Variants in COL23A1 observed in about 807,000 individuals in gnomAD.
COL23A1 encodes collagen type XXIII alpha 1 chain, also known as collagen alpha-1(XXIII) chain.
In COL23A1, 97 loss-of-function variants were observed where a neutral mutation model predicts 99.3. The observed-to-expected ratio is 0.98, with a 90% CI of 0.83 to 1.16. The LOEUF (loss-of-function observed/expected upper bound fraction) is 1.16, where lower values mean the gene tolerates loss of function less well. Ranked by LOEUF, COL23A1 falls within the 50% of genes most tolerant of loss-of-function variation. The probability of loss-of-function intolerance (pLI) is 0.00; values close to 1 mark genes in which losing one functional copy is unlikely to be tolerated. For missense variants in COL23A1, 762 were observed against 757.4 expected (o/e 1.01, Z -0.07); for synonymous variants, 320 against 308.2 (o/e 1.04, Z -0.40).
chr5:178,400,592 A>C lies in COL23A1; in HGVS notation c.362-93673T>G, dbSNP rs575471121. On this transcript the variant is annotated intron_variant, in intron 2 of 28. Transcript: ENST00000390654. The stretch of plus-strand genomic sequence containing the variant: ...TTAACCATTTTTAAGTGTACAATTC[A>C]ATGACATTAAGTACATTCACAACGG... Among the ~76,000 whole-genome samples, 4 of 152,198 alleles carry C rather than the reference A, an allele frequency of 2.6e-5. No individual in the cohort carries two copies. The South Asian group carries it at 8.3e-4, about 32-fold the overall frequency.
chr5:178,349,598 C>T (rs1355725564), intron 2 of COL23A1, among the ~76,000 whole-genome samples: 6 of 146,166 alleles, frequency 4.1e-5, no homozygotes, highest in Admixed American at 2.0e-4. Flanking sequence ...CACCTTTCCA[C>T]GGCACTATCA....
At chr5:178,258,262 T>TATATATATATATATACACACAC in intron 12 of COL23A1, among the ~76,000 whole-genome samples, 1 of 104,066 alleles carries the variant, frequency 9.6e-6, no homozygotes, top group African/African-American at 3.0e-5. Context: ...TATATATATA[T>TATATATATATATATACACACAC]ACACATGCAA....
chr5:178,334,158 G>C (rs1760192422), intron 2 of COL23A1, among the ~76,000 whole-genome samples: 1 of 152,160 alleles, frequency 6.6e-6, no homozygotes. Context: ...CCTCCCTCCT[G>C]CTCTCTGGAG....
chr5:178,434,611 T>C lies in COL23A1; in HGVS notation c.361+126071A>G, dbSNP rs953154496. On this transcript the variant is annotated intron_variant, in intron 2 of 28. Transcript: ENST00000390654. The surrounding 1 kb of genome is among the most constrained non-coding windows in gnomAD (Gnocchi z 4.3). ...GGGACCCCAGCTGGGCGCCTGGCCT[T>C]GCATCCCAGGTGGGTAATCTGGAGA... Among the ~76,000 whole-genome samples, 1 of 152,200 alleles carries C rather than the reference T, an allele frequency of 6.6e-6. No individual in the cohort carries two copies. Among genetic ancestry groups the C allele is most frequent in the Non-Finnish European group, 1.5e-5 (1 of 68,030 alleles).
intron 1 of COL23A1, among the ~76,000 whole-genome samples, chr5:178,571,563 G>T (rs893953287): frequency 6.6e-6 from 1 of 151,460 alleles, no homozygotes; most frequent in African/African-American, 2.4e-5. Flanking sequence ...AAAATATTCA[G>T]CATCTCATGA....
intron 2 of COL23A1, among the ~76,000 whole-genome samples, chr5:178,550,075 A>G (rs1490735202): frequency 6.6e-6 from 1 of 152,200 alleles, no homozygotes; most frequent in African/African-American, 2.4e-5. Context: ...GCAAATTACC[A>G]TAATGTGCAA....
At chr5:178,451,686 A>C (rs4329031) in intron 2 of COL23A1, among the ~76,000 whole-genome samples, 66,956 of 147,616 alleles carry the variant, frequency 0.45, 17,362 homozygotes, top group African/African-American at 0.71. Context: ...ATTAACACGG[A>C]AATCAATAGT....
intron 2 of COL23A1, among the ~76,000 whole-genome samples, chr5:178,394,082 A>C (rs1460193774): frequency 1.3e-5 from 2 of 152,120 alleles, no homozygotes; most frequent in South Asian, 4.2e-4. Context: ...TCAAACCTGG[A>C]GCGAAAGACC....
intron 17 of COL23A1, among the ~76,000 whole-genome samples, chr5:178,251,300 C>T (rs1041046986): frequency 2.6e-5 from 4 of 151,856 alleles, no homozygotes; most frequent in African/African-American, 7.3e-5. Context: ...AGATTACAGG[C>T]GTGAGCCACC....
At chr5:178,449,297 C>T (rs1047209208) in intron 2 of COL23A1, among the ~76,000 whole-genome samples, 15 of 152,186 alleles carry the variant, frequency 9.9e-5, no homozygotes, top group South Asian at 4.1e-4. Context: ...TGTCTTCCCC[C>T]ACGTCTGCCG....
At chr5:178,246,673 G>A (rs1322371043) in intron 22 of COL23A1, among the ~76,000 whole-genome samples, 1 of 150,650 alleles carries the variant, frequency 6.6e-6, no homozygotes, top group East Asian at 1.9e-4. Flanking sequence ...CCCCATGGAA[G>A]GTGATTACGG....
At chr5:178,541,571 T>C (rs1416210912) in intron 2 of COL23A1, among the ~76,000 whole-genome samples, 1 of 152,202 alleles carries the variant, frequency 6.6e-6, no homozygotes, top group African/African-American at 2.4e-5. Context: ...TGAGACTCTG[T>C]CTCAGAAGAT....
chr5:178,335,195 G>C (rs1377170470), intron 2 of COL23A1, among the ~76,000 whole-genome samples: 6 of 152,222 alleles, frequency 3.9e-5, no homozygotes, highest in African/African-American at 7.2e-5. Context: ...AAAAATGAAA[G>C]GTGGGATTTC....
chr5:178,563,078 G>A (rs1376244122), intron 1 of COL23A1, among the ~76,000 whole-genome samples: 1 of 152,220 alleles, frequency 6.6e-6, no homozygotes, highest in Admixed American at 6.5e-5. Flanking sequence ...GGCAGCCAGA[G>A]GGTACTCCAG....
intron 2 of COL23A1, among the ~76,000 whole-genome samples, chr5:178,487,131 C>T (rs1757673754): frequency 7.2e-6 from 1 of 139,780 alleles, no homozygotes; most frequent in Admixed American, 6.8e-5. Flanking sequence ...TCCCAGTTGA[C>T]ACCTCAGTGC....
intron 2 of COL23A1, among the ~76,000 whole-genome samples, chr5:178,532,636 C>T (rs191673283): frequency 6.6e-6 from 1 of 152,334 alleles, no homozygotes; most frequent in East Asian, 1.9e-4. Flanking sequence ...AGTGAATGGG[C>T]ACCGTGACTG....
intron 2 of COL23A1, among the ~76,000 whole-genome samples, chr5:178,326,946 C>A (rs1335684108): frequency 6.6e-6 from 1 of 152,214 alleles, no homozygotes; most frequent in African/African-American, 2.4e-5. Flanking sequence ...TCTCGAACTC[C>A]TGACTTCGTG....
At chr5:178,419,315 T>C (rs1388032742) in intron 2 of COL23A1, among the ~76,000 whole-genome samples, 1 of 152,206 alleles carries the variant, frequency 6.6e-6, no homozygotes, top group African/African-American at 2.4e-5. Context: ...GCCAGTCGCA[T>C]GGAGGGTCAG....
At chr5:178,325,633 C>T (rs967704125) in intron 2 of COL23A1, among the ~76,000 whole-genome samples, 3 of 152,194 alleles carry the variant, frequency 2.0e-5, no homozygotes, top group Non-Finnish European at 4.4e-5. Flanking sequence ...GGGATGGAGC[C>T]GTCTGCCCAT....
Sources: gnomAD v4.1 joint callset for allele counts (sites outside exome capture counted in the v4.1 genomes callset) on GRCh38, gnomAD v4.1.1 for gene constraint, Gnocchi (gnomAD v3.1) non-coding constraint, MANE v1.5 for transcripts, NCBI Gene and HGNC (gene_info 2026-07-23, HGNC 2026-07-21) for gene names.